The following CMKLR2 variants were observed in gnomAD, a reference collection of about 807,000 sequenced individuals.
CMKLR2 encodes chemerin chemokine-like receptor 2.
Under a neutral mutation model 23.0 loss-of-function variants are expected in CMKLR2, and 18 were observed. That is an observed-to-expected ratio of 0.78 (90% CI 0.54 to 1.16). The LOEUF is 1.16. CMKLR2 is among the 50% of genes most tolerant of loss of function. The pLI is 0.00. For missense variants in CMKLR2, 401 were observed against 412.7 expected (o/e 0.97, Z 0.25); for synonymous variants, 158 against 158.9 (o/e 0.99, Z 0.05).
chr2:206,201,100 C>T (rs1689080341), intron 1 of CMKLR2, among the ~76,000 whole-genome samples: 1 of 152,118 alleles, frequency 6.6e-6, no homozygotes, highest in African/African-American at 2.4e-5. Context: ...TACAGGCACC[C>T]ACCACCACTC....
intron 1 of CMKLR2, among the ~76,000 whole-genome samples, chr2:206,206,798 G>A (rs896905055): frequency 3.3e-5 from 5 of 152,078 alleles, no homozygotes; most frequent in South Asian, 2.1e-4. Context: ...AGGCATTCAC[G>A]TGCCCGGGCA....
chr2:206,213,095 G>A (rs1249433262), intron 1 of CMKLR2, among the ~76,000 whole-genome samples: 5 of 152,152 alleles, frequency 3.3e-5, no homozygotes, highest in African/African-American at 1.2e-4. Flanking sequence ...CAGCTGTAGC[G>A]AACCCTGTAG....
intron 1 of CMKLR2, among the ~76,000 whole-genome samples, chr2:206,185,131 C>T (rs1479618304): frequency 6.6e-6 from 1 of 151,960 alleles, no homozygotes; most frequent in African/African-American, 2.4e-5. Flanking sequence ...GGATTACAGG[C>T]GTGAGCCACC....
At chr2:206,184,520 C>T (rs75393432) in intron 1 of CMKLR2, among the ~76,000 whole-genome samples, 2,996 of 152,238 alleles carry the variant, frequency 0.02, 58 homozygotes, top group South Asian at 0.05. Flanking sequence ...TGGTCTCAAA[C>T]TCCTGACCTC....
In CMKLR2 at chr2:206,176,911, T is replaced by A; in HGVS notation, c.337A>T (p.Asn113Tyr). The change falls in exon 2 of 2, where the codon AAT (asparagine) becomes TAT (tyrosine). Residue 113 changes from asparagine to tyrosine, a missense_variant. Physicochemically the swap from Asn to Tyr is moderately radical, Grantham distance 143 (BLOSUM62 -2). Transcript: ENST00000621141. The part of the protein sequence containing the change: ...WPFGIWLCKA[N>Y]SFTAQLNMFA... The stretch of plus-strand genomic sequence containing the variant: ...ATGTTCAACTGGGCAGTGAAGGAAT[T>A]GGCTTTGCACAGCCAGATGCCAAAG... The A allele has an allele frequency of 6.2e-7, 1 of 1,614,178 alleles. No individual in the cohort carries two copies. Among genetic ancestry groups the A allele is most frequent in the Non-Finnish European group, 8.5e-7 (1 of 1,180,044 alleles).
chr2:206,189,372 C>T lies in CMKLR2; in HGVS notation c.-28-12097G>A, dbSNP rs1354945853. On this transcript the variant is annotated intron_variant, in intron 1 of 1. Coordinates refer to ENST00000621141, the MANE Select transcript of CMKLR2 (RefSeq NM_001389445.1). ...AGAAAAGGCAGGGAGCGGTGGCTCA[C>T]GCCTATAATCCCAGCACTTTGAGAG... is the stretch of plus-strand genomic sequence containing the variant. Among the ~76,000 whole-genome samples, 16 of 152,264 alleles carry T rather than the reference C, an allele frequency of 1.1e-4. No homozygotes were observed. The East Asian group carries it at 1.9e-3, about 18-fold the overall frequency.
chr2:206,213,060 CTT>C (rs974724855), intron 1 of CMKLR2, among the ~76,000 whole-genome samples: 6 of 152,214 alleles, frequency 3.9e-5, no homozygotes, highest in African/African-American at 1.4e-4. Flanking sequence ...CATTTTCTCT[CTT>C]GCAGTGTTTT....
chr2:206,193,694 T>G (rs1413665136), intron 1 of CMKLR2, among the ~76,000 whole-genome samples: 2 of 152,206 alleles, frequency 1.3e-5, no homozygotes, highest in Non-Finnish European at 2.9e-5. Context: ...ACCTACCAGA[T>G]TATAAAACTT....
intron 1 of CMKLR2, among the ~76,000 whole-genome samples, chr2:206,186,569 T>C (rs565673875): frequency 4.8e-4 from 73 of 152,216 alleles, no homozygotes; most frequent in African/African-American, 1.7e-3. Flanking sequence ...CTCACAATGG[T>C]TATGGCTTCA....
chr2:206,188,703 G>A (rs1162023058), intron 1 of CMKLR2, among the ~76,000 whole-genome samples: 1 of 152,136 alleles, frequency 6.6e-6, no homozygotes, highest in Non-Finnish European at 1.5e-5. Flanking sequence ...GAGGACCCAC[G>A]TTATCACATT....
At chr2:206,214,968 G>A (rs1215178850), upstream of CMKLR2, among the ~76,000 whole-genome samples, 5 of 152,092 alleles carry the variant, frequency 3.3e-5, no homozygotes, top group Non-Finnish European at 7.4e-5. Flanking sequence ...TCAACCATGT[G>A]ATACCTGAAA....
At chr2:206,182,738 A>G (rs1688454568) in intron 1 of CMKLR2, among the ~76,000 whole-genome samples, 1 of 151,914 alleles carries the variant, frequency 6.6e-6, no homozygotes, top group Non-Finnish European at 1.5e-5. Flanking sequence ...CTCCTGCCTC[A>G]GCCTCCAGAA....
chr2:206,187,985 C>A (rs1458821847), intron 1 of CMKLR2, among the ~76,000 whole-genome samples: 1 of 152,080 alleles, frequency 6.6e-6, no homozygotes, highest in East Asian at 1.9e-4. Context: ...GCAACCTCCA[C>A]CTCCCAGATT....
At chr2:206,177,798 T>C (rs780162029) in intron 1 of CMKLR2, among the ~76,000 whole-genome samples, 1 of 152,182 alleles carries the variant, frequency 6.6e-6, no homozygotes, top group African/African-American at 2.4e-5. Flanking sequence ...TTCCTTTCTG[T>C]AAAGTATTTA....
chr2:206,187,959 G>A (rs1037325065), intron 1 of CMKLR2, among the ~76,000 whole-genome samples: 10 of 151,976 alleles, frequency 6.6e-5, no homozygotes, highest in African/African-American at 2.2e-4. Context: ...GTGGAGTGGC[G>A]CAATCTTGGG....
chr2:206,205,473 C>T (rs1689276622), intron 1 of CMKLR2, among the ~76,000 whole-genome samples: 1 of 152,024 alleles, frequency 6.6e-6, no homozygotes, highest in Non-Finnish European at 1.5e-5. Context: ...AGTGGTCCTC[C>T]CACCTCAGCC....
chr2:206,191,033 T>A (rs533221826), intron 1 of CMKLR2, among the ~76,000 whole-genome samples: 1 of 152,194 alleles, frequency 6.6e-6, no homozygotes, highest in African/African-American at 2.4e-5. Flanking sequence ...TAGGCTTAAT[T>A]CCTTTGCAAG....
At position 206,176,122 on chromosome 2, in the gene CMKLR2, G is replaced by A; in HGVS notation, c.*58C>T. Reference sequence around the variant, plus strand: ...TCTTGGAAACAATTTTAATCTGAAAGCATCAGTCAGAGGACCCACATAAAA... The same window carrying A: ...TCTTGGAAACAATTTTAATCTGAAAACATCAGTCAGAGGACCCACATAAAA... On this transcript the variant is annotated 3_prime_UTR_variant, in exon 2 of 2. Coordinates refer to ENST00000621141, the MANE Select transcript of CMKLR2 (RefSeq NM_001389445.1). The A allele has an allele frequency of 8.3e-7, 1 of 1,211,028 alleles. No homozygotes were observed. The highest frequency in any genetic ancestry group is 1.2e-6 in the Non-Finnish European group (1 of 860,652). The allele number at this position is 1,211,028 out of a possible 1,614,324, so 75.0% of individuals were successfully genotyped here.
intron 1 of CMKLR2, among the ~76,000 whole-genome samples, chr2:206,196,384 A>G (rs1231405277): frequency 6.8e-6 from 1 of 146,622 alleles, no homozygotes; most frequent in Non-Finnish European, 1.5e-5. Flanking sequence ...AAAAATAAAT[A>G]AAAATAAAAA....
Sources: gnomAD v4.1 joint callset for allele counts (sites outside exome capture counted in the v4.1 genomes callset) on GRCh38, gnomAD v4.1.1 for gene constraint, MANE v1.5 for transcripts, NCBI Gene and HGNC (gene_info 2026-07-23, HGNC 2026-07-21) for gene names.